PPARGC1A: variants seen among roughly 807,000 people sequenced by gnomAD.
The protein encoded by PPARGC1A is PPARG coactivator 1 alpha.
A neutral mutation model predicts 88.7 loss-of-function variants in PPARGC1A; 25 were observed. That is an observed-to-expected ratio of 0.28 (90% confidence interval 0.21 to 0.39). PPARGC1A has a LOEUF of 0.39. Among genes scored for constraint, PPARGC1A ranks in the 10% least tolerant of loss-of-function variants. PPARGC1A has a pLI of 1.00. For missense variants in PPARGC1A, 880 were observed against 968.7 expected (o/e 0.91, Z 1.22); for synonymous variants, 363 against 355.6 (o/e 1.02, Z -0.24).
At chr4:23,954,670 T>C in the PPARGC1A span, among the ~76,000 whole-genome samples, 3 of 152,006 alleles carry the variant, frequency 2.0e-5, no homozygotes, top group Non-Finnish European at 4.4e-5. Context: ...ATATAAAACA[T>C]AGGTATTTGT....
At chr4:23,952,010 T>G in the PPARGC1A span, among the ~76,000 whole-genome samples, 2 of 151,868 alleles carry the variant, frequency 1.3e-5, no homozygotes, top group South Asian at 2.1e-4. Context: ...ATTTACTGCG[T>G]GGGACACCCT....
the PPARGC1A span, among the ~76,000 whole-genome samples, chr4:24,190,586 C>T: frequency 6.6e-6 from 1 of 152,034 alleles, no homozygotes; most frequent in Non-Finnish European, 1.5e-5. Context: ...CCACAAACTC[C>T]CAGGTTCTAA....
chr4:24,235,475 C>T, the PPARGC1A span, among the ~76,000 whole-genome samples: 1 of 152,154 alleles, frequency 6.6e-6, no homozygotes, highest in African/African-American at 2.4e-5. Flanking sequence ...TAACAATAAG[C>T]CTCTTTCACA....
In PPARGC1A at chr4:23,795,749, T is replaced by G; in HGVS notation, c.*73A>C. 8.5e-7 allele frequency: 1 copy of G among 1,178,988 alleles called. No homozygotes were observed. Among genetic ancestry groups the G allele is most frequent in the Non-Finnish European group, 1.2e-6 (1 of 828,192 alleles). The allele number at this position is 1,178,988 out of a possible 1,614,324, so 73.0% of individuals were successfully genotyped here. On this transcript the variant is annotated 3_prime_UTR_variant, in exon 13 of 13. Coordinates refer to ENST00000264867, the MANE Select transcript of PPARGC1A (RefSeq NM_013261.5). ...AGAAATTCCTAAGTATGACTTGCAA[T>G]AGTCTTTAGGGAAGGACGCGCTGTC...
the PPARGC1A span, among the ~76,000 whole-genome samples, chr4:24,321,333 G>T: frequency 6.6e-6 from 1 of 152,112 alleles, no homozygotes; most frequent in Non-Finnish European, 1.5e-5. Context: ...ACACCCAAAG[G>T]CCTGCGAACT....
At chr4:24,027,480 C>T in the PPARGC1A span, among the ~76,000 whole-genome samples, 7 of 152,114 alleles carry the variant, frequency 4.6e-5, no homozygotes, top group Non-Finnish European at 7.4e-5. Context: ...CAAGGCCCAA[C>T]GCATAGTAAA....
At chr4:24,372,182 C>T in the PPARGC1A span, among the ~76,000 whole-genome samples, 1 of 152,294 alleles carries the variant, frequency 6.6e-6, no homozygotes, top group East Asian at 1.9e-4. Flanking sequence ...CCCAGTCTTA[C>T]CCTAACCAAC....
chr4:23,812,078 T>G (rs1721014979), intron 10 of PPARGC1A, among the ~76,000 whole-genome samples: 1 of 151,534 alleles, frequency 6.6e-6, no homozygotes, highest in Non-Finnish European at 1.5e-5. Context: ...CCACCACGCC[T>G]GGCTAATTTT....
the PPARGC1A span, among the ~76,000 whole-genome samples, chr4:24,431,702 A>T: frequency 1.3e-5 from 2 of 152,198 alleles, no homozygotes; most frequent in Non-Finnish European, 2.9e-5. Flanking sequence ...ATTCATCTCC[A>T]TACATATTTG....
chr4:23,960,486 C>T, the PPARGC1A span, among the ~76,000 whole-genome samples: 4 of 152,242 alleles, frequency 2.6e-5, no homozygotes, highest in East Asian at 1.9e-4. Context: ...CAATGAGCTG[C>T]TCATCTTTGG....
the PPARGC1A span, among the ~76,000 whole-genome samples, chr4:24,194,191 G>A: frequency 2.0e-5 from 3 of 151,634 alleles, no homozygotes; most frequent in African/African-American, 7.3e-5. Context: ...GACAGACTAC[G>A]GGAGGAAGCA....
chr4:24,282,312 G>C, the PPARGC1A span, among the ~76,000 whole-genome samples: 1 of 152,214 alleles, frequency 6.6e-6, no homozygotes, highest in Non-Finnish European at 1.5e-5. Flanking sequence ...CTTTGAGTCA[G>C]TGGCTCCACT....
At chr4:24,107,728 T>C in the PPARGC1A span, among the ~76,000 whole-genome samples, 1 of 152,328 alleles carries the variant, frequency 6.6e-6, no homozygotes, top group South Asian at 2.1e-4. Context: ...CAGTTGGTTC[T>C]GCAGGCAATA....
At chr4:23,932,305 G>GCTTAGTTCCTCA in the PPARGC1A span, among the ~76,000 whole-genome samples, 5 of 152,162 alleles carry the variant, frequency 3.3e-5, no homozygotes, top group South Asian at 6.2e-4. Context: ...TTAGTTCCTC[G>GCTTAGTTCCTCA]CTTGGCTGGG....
the PPARGC1A span, among the ~76,000 whole-genome samples, chr4:23,976,237 CT>C: frequency 2.0e-5 from 3 of 152,242 alleles, no homozygotes; most frequent in South Asian, 4.1e-4. Context: ...AAGAAGGATC[CT>C]AAAACCTAGT....
the PPARGC1A span, among the ~76,000 whole-genome samples, chr4:24,063,070 T>C: frequency 1.5e-3 from 224 of 152,298 alleles, 1 homozygote; most frequent in African/African-American, 5.3e-3. Context: ...TTTTCCAGAC[T>C]GAGAGTCTTT....
At chr4:24,464,065 G>A in the PPARGC1A span, among the ~76,000 whole-genome samples, 1 of 152,146 alleles carries the variant, frequency 6.6e-6, no homozygotes, top group Non-Finnish European at 1.5e-5. Flanking sequence ...ATTAAATAAT[G>A]AGGCAAACTA....
the PPARGC1A span, among the ~76,000 whole-genome samples, chr4:24,331,136 T>C: frequency 6.6e-6 from 1 of 152,218 alleles, no homozygotes; most frequent in East Asian, 1.9e-4. Context: ...ATTTTGATTT[T>C]GCCCACCTCT....
At chr4:23,951,338 G>C in the PPARGC1A span, among the ~76,000 whole-genome samples, 1 of 152,040 alleles carries the variant, frequency 6.6e-6, no homozygotes, top group Non-Finnish European at 1.5e-5. Context: ...GTTTATACAG[G>C]GAGCTACATG....
Sources: allele counts gnomAD v4.1 joint callset (sites outside exome capture counted in the v4.1 genomes callset), GRCh38; gene constraint gnomAD v4.1.1; transcripts MANE v1.5; gene names NCBI Gene and HGNC (gene_info 2026-07-23, HGNC 2026-07-21).